Variants in ZFAT observed in about 807,000 individuals in gnomAD.
The protein encoded by ZFAT is zinc finger and AT-hook domain containing, also known as zinc finger protein ZFAT.
Under a neutral mutation model 117.7 loss-of-function variants are expected in ZFAT, and 64 were observed. The observed-to-expected ratio is 0.54, with a 90% CI of 0.44 to 0.67. The LOEUF is 0.67. ZFAT is among the 30% of genes least tolerant of loss of function. The probability of loss-of-function intolerance (pLI) is 0.00; values close to 1 mark genes in which losing one functional copy is unlikely to be tolerated. For missense variants in ZFAT, 1,433 were observed against 1,584.5 expected (o/e 0.90, Z 1.62); for synonymous variants, 679 against 615.0 (o/e 1.10, Z -1.54).
the ZFAT span, among the ~76,000 whole-genome samples, chr8:134,749,732 A>T: frequency 6.6e-6 from 1 of 152,232 alleles, no homozygotes; most frequent in Non-Finnish European, 1.5e-5. Context: ...ATTATTTATT[A>T]AAAATGTTAT....
At chr8:134,496,960 A>G (rs970309849) in intron 15 of ZFAT, among the ~76,000 whole-genome samples, 3 of 152,272 alleles carry the variant, frequency 2.0e-5, no homozygotes, top group African/African-American at 7.2e-5. Context: ...CCTAACGGGC[A>G]GGGGTTATCC....
At chr8:134,828,252 T>C in the ZFAT span, among the ~76,000 whole-genome samples, 2 of 152,200 alleles carry the variant, frequency 1.3e-5, no homozygotes, top group African/African-American at 4.8e-5. Flanking sequence ...AAAAAATCAA[T>C]GGCACCATTC....
In ZFAT at chr8:134,668,363, A is replaced by C. The variant is rs186012525; in HGVS notation, c.20-10626T>G. On this transcript the variant is annotated intron_variant, in intron 1 of 15. Coordinates refer to ENST00000377838, the MANE Select transcript of ZFAT (RefSeq NM_020863.4). ...CTGGGAGGCACCCCCAAGTAGGGGC[A>C]GACTGACACCTCACATAGCTGGGTA... Among the ~76,000 whole-genome samples, 644 of 152,348 alleles carry C rather than the reference A, an allele frequency of 4.2e-3. 2 individuals are homozygous for C. The highest frequency in any genetic ancestry group is 6.6e-3 in the Non-Finnish European group (449 of 68,028).
Position 134,610,513 on chromosome 8 carries a change from T to C in ZFAT, c.591A>G (p.Lys197=). 6.2e-7 allele frequency: 1 copy of C among 1,614,034 alleles called. No homozygotes were observed. The change falls in exon 4 of 16, where the codon AAA becomes AAG. Residue 197 remains lysine (K), a synonymous_variant. Transcript: ENST00000377838. ...KEARQLSGAK[K]PIISVVLTAH... is the part of the protein sequence containing the mutation. ...CAGTTAAAACCACACTTATGATGGG[T>C]TTCTTCGCCCCAGAAAGCTGTCTGG...
intron 1 of ZFAT, among the ~76,000 whole-genome samples, chr8:134,661,866 G>A (rs189590763): frequency 1.2e-3 from 190 of 152,270 alleles, no homozygotes; most frequent in Admixed American, 2.6e-3. Context: ...AGCAGGCAGC[G>A]CAAGACGGGG....
chr8:134,599,660 T>C, intron 7 of ZFAT: 1 of 414,244 alleles, frequency 2.4e-6, no homozygotes, highest in Non-Finnish European at 4.7e-6. Flanking sequence ...TGGTAGCACA[T>C]CAAATGTCTG....
chr8:134,625,265 C>A (rs1286475933), intron 3 of ZFAT, among the ~76,000 whole-genome samples: 1 of 152,202 alleles, frequency 6.6e-6, no homozygotes, highest in South Asian at 2.1e-4. Context: ...GGCACGAGGC[C>A]ATTGTCTCAC....
intron 7 of ZFAT, chr8:134,598,526 G>C (rs1340884813): frequency 6.6e-6 from 1 of 152,284 alleles, no homozygotes; most frequent in Admixed American, 6.5e-5. Context: ...CTCCCCCACT[G>C]ATCATGAGGC....
intron 12 of ZFAT, among the ~76,000 whole-genome samples, chr8:134,527,128 T>C (rs2130520248): frequency 6.6e-6 from 1 of 152,284 alleles, no homozygotes; most frequent in South Asian, 2.1e-4. Flanking sequence ...GAAGCTCCAC[T>C]GGCCATTTCT....
chr8:134,671,771 A>G (rs1323708936), intron 1 of ZFAT, among the ~76,000 whole-genome samples: 4 of 152,240 alleles, frequency 2.6e-5, no homozygotes, highest in Admixed American at 2.0e-4. Flanking sequence ...AGGCAGGACA[A>G]AGAAATAAAG....
At chr8:134,714,842 TGCCCCCCAG>T (rs1352411996), upstream of ZFAT, among the ~76,000 whole-genome samples, 1 of 151,914 alleles carries the variant, frequency 6.6e-6, no homozygotes, top group African/African-American at 2.4e-5. Flanking sequence ...GTACCCAAAC[TGCCCCCCAG>T]GCCTCCAGGA....
chr8:134,699,924 G>A lies in ZFAT; in HGVS notation c.19+12921C>T, dbSNP rs151221964. Among the ~76,000 whole-genome samples the A allele has an allele frequency of 4.8e-3, 729 of 152,306 alleles. 7 individuals are homozygous for A. The highest frequency in any genetic ancestry group is 0.016 in the African/African-American group (681 of 41,556). On this transcript the variant is annotated intron_variant, in intron 1 of 15. Transcript: ENST00000377838. ...AGGCAGAAGGCTGGCACGCACCCGTGGGGAGCTAAGTGGCATACAGGCAGT... is the reference window on the plus strand; with the variant it reads ...AGGCAGAAGGCTGGCACGCACCCGTAGGGAGCTAAGTGGCATACAGGCAGT...
the ZFAT span, among the ~76,000 whole-genome samples, chr8:134,775,544 T>C: frequency 6.6e-6 from 1 of 152,188 alleles, no homozygotes; most frequent in Non-Finnish European, 1.5e-5. Context: ...CTTTCGACTT[T>C]TGTACCTTGT....
At chr8:134,779,992 C>A in the ZFAT span, among the ~76,000 whole-genome samples, 2 of 152,150 alleles carry the variant, frequency 1.3e-5, no homozygotes, top group African/African-American at 4.8e-5. Context: ...GTTTCTCCAA[C>A]CCCCATCTCC....
the ZFAT span, among the ~76,000 whole-genome samples, chr8:134,718,159 T>C: frequency 1.3e-5 from 2 of 152,118 alleles, no homozygotes; most frequent in Non-Finnish European, 2.9e-5. Context: ...TTTAGGAAAA[T>C]TTTATTTTGA....
At chr8:134,818,416 C>T in the ZFAT span, among the ~76,000 whole-genome samples, 1 of 152,110 alleles carries the variant, frequency 6.6e-6, no homozygotes, top group Admixed American at 6.5e-5. Flanking sequence ...TTAAAACCAC[C>T]ACTACTCACT....
rs749662726 is a variant in ZFAT, at chr8:134,478,592, C to G, written c.3622G>C (p.Val1208Leu). Residue 1208 changes from valine to leucine, a missense_variant, in exon 16 of 16, where the codon GTG becomes CTG. Physicochemically the swap from Val to Leu is conservative, Grantham distance 32. Transcript: ENST00000377838. The surrounding 1 kb of genome is among the most constrained non-coding windows in gnomAD (Gnocchi z 5.2). The stretch of plus-strand genomic sequence containing the variant: ...TCCCCGCCCTGCGTGTAGACAGTCA[C>G]CGTCTCAATGCCCTCCACGTCGTCG... ...SSDDVEGIETVTVYTQGGEAS... is the reference protein window; with the variant it reads ...SSDDVEGIETLTVYTQGGEAS... 2 of 1,593,708 alleles carry G rather than the reference C, an allele frequency of 1.3e-6. No homozygotes were observed. Among genetic ancestry groups the G allele is most frequent in the South Asian group, 2.3e-5 (2 of 87,378 alleles).
At chr8:134,687,618 AC>A (rs551062414) in intron 1 of ZFAT, among the ~76,000 whole-genome samples, 2 of 151,606 alleles carry the variant, frequency 1.3e-5, no homozygotes, top group African/African-American at 2.4e-5. Flanking sequence ...GTACAGGAAC[AC>A]CCCCTGTCCC....
intron 1 of ZFAT, among the ~76,000 whole-genome samples, chr8:134,697,020 C>T (rs1035221187): frequency 6.6e-5 from 10 of 151,950 alleles, no homozygotes; most frequent in East Asian, 1.9e-4. Flanking sequence ...CAGGTTCAAG[C>T]GATCCTCCCA....
Sources: gnomAD v4.1 joint callset for allele counts (sites outside exome capture counted in the v4.1 genomes callset) on GRCh38, gnomAD v4.1.1 for gene constraint, Gnocchi (gnomAD v3.1) non-coding constraint, MANE v1.5 for transcripts, NCBI Gene and HGNC (gene_info 2026-07-23, HGNC 2026-07-21) for gene names.